Variants in SLC5A4 observed in about 807,000 individuals in gnomAD.
SLC5A4 encodes the protein probable glucose sensor protein SLC5A4.
A neutral mutation model predicts 70.3 loss-of-function variants in SLC5A4; 55 were observed. That is an observed-to-expected ratio of 0.78 (90% CI 0.63 to 0.98). The LOEUF is 0.98. SLC5A4 is among the 50% of genes least tolerant of loss of function. The pLI is 0.00. For synonymous variants in SLC5A4, 268 were observed against 305.7 expected, an observed-to-expected ratio of 0.88 and a Z score of 1.29; for missense variants, 735 against 839.2, an observed-to-expected ratio of 0.88 and a Z score of 1.53.
chr22:32,319,277 C>T, the SLC5A4 span, among the ~76,000 whole-genome samples: 2 of 151,976 alleles, frequency 1.3e-5, no homozygotes, highest in South Asian at 2.1e-4. Context: ...CTCAGGCCCT[C>T]GACCACACTG....
the SLC5A4 span, among the ~76,000 whole-genome samples, chr22:32,279,103 C>T: frequency 1.3e-5 from 2 of 151,752 alleles, no homozygotes; most frequent in Non-Finnish European, 2.9e-5. Flanking sequence ...GGTGAAACCC[C>T]GTCTCCACTA....
At chr22:32,223,806 G>A (rs539652940) in intron 13 of SLC5A4, among the ~76,000 whole-genome samples, 2 of 152,260 alleles carry the variant, frequency 1.3e-5, no homozygotes, top group East Asian at 1.9e-4. Flanking sequence ...CACATACTAG[G>A]TGCAAATTGT....
chr22:32,307,358 A>G, the SLC5A4 span, among the ~76,000 whole-genome samples: 1 of 151,968 alleles, frequency 6.6e-6, no homozygotes, highest in South Asian at 2.1e-4. Context: ...GAGCAATGAC[A>G]CCTCCAAGGT....
chr22:32,332,543 C>T, the SLC5A4 span, among the ~76,000 whole-genome samples: 1 of 152,216 alleles, frequency 6.6e-6, no homozygotes, highest in Non-Finnish European at 1.5e-5. Context: ...CTGTCCTTAT[C>T]CTGCGGGCCT....
the SLC5A4 span, among the ~76,000 whole-genome samples, chr22:32,354,228 G>A: frequency 9.1e-5 from 10 of 110,226 alleles, no homozygotes; most frequent in African/African-American, 3.7e-4. Flanking sequence ...GCCCCCAGTA[G>A]CACTCCCAAT....
the SLC5A4 span, among the ~76,000 whole-genome samples, chr22:32,334,040 C>T: frequency 6.8e-6 from 1 of 146,856 alleles, no homozygotes; most frequent in African/African-American, 2.6e-5. Context: ...CACACACACA[C>T]ACCATGCCAC....
the SLC5A4 span, among the ~76,000 whole-genome samples, chr22:32,320,143 TGA>T: frequency 6.6e-6 from 1 of 152,072 alleles, no homozygotes; most frequent in African/African-American, 2.4e-5. Flanking sequence ...AAAGCCATAA[TGA>T]GAGAGGATTT....
chr22:32,344,593 A>AT, the SLC5A4 span, among the ~76,000 whole-genome samples: 2 of 152,106 alleles, frequency 1.3e-5, no homozygotes, highest in African/African-American at 4.8e-5. Flanking sequence ...TAGAAATGAG[A>AT]TTTTCAGTAT....
chr22:32,271,531 A>C, the SLC5A4 span: 2 of 709,008 alleles, frequency 2.8e-6, no homozygotes, highest in Non-Finnish European at 5.2e-6. Context: ...AAGCCATCCA[A>C]GAAGAAAGCA....
the SLC5A4 span, among the ~76,000 whole-genome samples, chr22:32,348,007 C>A: frequency 1.3e-5 from 2 of 152,182 alleles, no homozygotes; most frequent in Admixed American, 6.5e-5. Flanking sequence ...CTGTTCCCCT[C>A]TCTGGACCTT....
chr22:32,310,489 A>AC, the SLC5A4 span, among the ~76,000 whole-genome samples: 1 of 143,378 alleles, frequency 7.0e-6, no homozygotes, highest in South Asian at 2.4e-4. Flanking sequence ...CAGGCTGTGC[A>AC]CCCCCTTATG....
chr22:32,229,097 G>A (rs1925577420), intron 11 of SLC5A4, 97 bp downstream of exon 11: 2 of 1,150,084 alleles, frequency 1.7e-6, no homozygotes, highest in South Asian at 3.3e-5. Context: ...CAGATGCTAT[G>A]ATTACTTTCA....
At chr22:32,347,731 G>A in the SLC5A4 span, among the ~76,000 whole-genome samples, 1 of 150,372 alleles carries the variant, frequency 6.7e-6, no homozygotes, top group African/African-American at 2.5e-5. Flanking sequence ...GGGAGGGATA[G>A]TATTAGAAGA....
the SLC5A4 span, among the ~76,000 whole-genome samples, chr22:32,305,784 G>A: frequency 3.3e-5 from 5 of 151,632 alleles, no homozygotes; most frequent in South Asian, 4.2e-4. Flanking sequence ...CACATGGCAT[G>A]TCACACCAGG....
the SLC5A4 span, among the ~76,000 whole-genome samples, chr22:32,328,292 C>T: frequency 6.6e-6 from 1 of 152,160 alleles, no homozygotes; most frequent in Non-Finnish European, 1.5e-5. Flanking sequence ...CCTGCAGCTA[C>T]TCACACCCTC....
the SLC5A4 span, among the ~76,000 whole-genome samples, chr22:32,261,126 T>C: frequency 6.6e-6 from 1 of 151,614 alleles, no homozygotes; most frequent in African/African-American, 2.4e-5. Flanking sequence ...CTCACACTTC[T>C]CTTCACCCCT....
intron 14 of SLC5A4, among the ~76,000 whole-genome samples, chr22:32,220,201 C>T (rs550083591): frequency 3.3e-5 from 5 of 151,990 alleles, no homozygotes; most frequent in Non-Finnish European, 7.4e-5. Flanking sequence ...ATACCAAAAC[C>T]AAAGACTTAG....
chr22:32,271,493 C>T, the SLC5A4 span: 2 of 730,114 alleles, frequency 2.7e-6, no homozygotes, highest in African/African-American at 3.5e-5. Context: ...AGGTCCTTCA[C>T]AACATCAGCT....
At chr22:32,351,043 A>C in the SLC5A4 span, among the ~76,000 whole-genome samples, 1 of 152,208 alleles carries the variant, frequency 6.6e-6, no homozygotes, top group Non-Finnish European at 1.5e-5. Flanking sequence ...TTATAATTCC[A>C]CATGATCCTC....
Sources: gnomAD v4.1 joint callset for allele counts (sites outside exome capture counted in the v4.1 genomes callset) on GRCh38, gnomAD v4.1.1 for gene constraint, MANE v1.5 for transcripts, NCBI Gene and HGNC (gene_info 2026-07-23, HGNC 2026-07-21) for gene names.